MTUS2: variants seen among roughly 807,000 people sequenced by gnomAD.
MTUS2 encodes the protein microtubule-associated tumor suppressor candidate 2.
In MTUS2, 40 loss-of-function variants were observed where a neutral mutation model predicts 114.1. The observed-to-expected ratio is 0.35, with a 90% CI of 0.27 to 0.46. The LOEUF is 0.46. Among genes scored for constraint, MTUS2 ranks in the 20% least tolerant of loss-of-function variants. The pLI, the probability that MTUS2 is intolerant of heterozygous loss-of-function variation, is 1.00. For synonymous variants in MTUS2, 688 were observed against 672.0 expected, an observed-to-expected ratio of 1.02 and a Z score of -0.37; for missense variants, 1,679 against 1,705.4, an observed-to-expected ratio of 0.98 and a Z score of 0.27.
intron 5 of MTUS2, among the ~76,000 whole-genome samples, chr13:29,225,478 A>G (rs1335652): frequency 0.16 from 24,951 of 152,140 alleles, 2,311 homozygotes; most frequent in East Asian, 0.4. Flanking sequence ...TCTTTACACA[A>G]TCATAGAATT....
At chr13:29,425,935 A>G (rs888286021) in intron 8 of MTUS2, among the ~76,000 whole-genome samples, 30 of 152,324 alleles carry the variant, frequency 2.0e-4, no homozygotes, top group Middle Eastern at 3.4e-3. Flanking sequence ...CCTAAGAATA[A>G]GAAGTAATTT....
In MTUS2 at chr13:29,469,354, C is replaced by T. The variant is rs184369903; in HGVS notation, c.3185-10796C>T. On this transcript the variant is annotated intron_variant, in intron 9 of 15. Transcript: ENST00000612955. ...TTCTTTAAGAAAGAAGGCGGCCAGGCGTGGTGGCTCACGCCTGTAATCCCA... is the reference window on the plus strand; with the variant it reads ...TTCTTTAAGAAAGAAGGCGGCCAGGTGTGGTGGCTCACGCCTGTAATCCCA... Among the ~76,000 whole-genome samples the T allele has an allele frequency of 1.6e-3, 249 of 152,252 alleles. 1 individual carries two copies. Among genetic ancestry groups the T allele is most frequent in the Non-Finnish European group, 2.6e-3 (178 of 68,014 alleles).
intron 4 of MTUS2, among the ~76,000 whole-genome samples, chr13:29,065,504 C>A (rs979997661): frequency 1.9e-4 from 29 of 151,948 alleles, no homozygotes; most frequent in African/African-American, 7.0e-4. Flanking sequence ...CAATTTGTTT[C>A]AGTTCCTTAT....
intron 4 of MTUS2, among the ~76,000 whole-genome samples, chr13:29,073,303 A>G (rs1220940299): frequency 1.3e-5 from 2 of 152,226 alleles, no homozygotes; most frequent in African/African-American, 4.8e-5. Flanking sequence ...ATTTGGTTTT[A>G]TAGTTTCTTG....
chr13:29,259,763 G>C (rs1325513208), intron 5 of MTUS2, among the ~76,000 whole-genome samples: 1 of 152,218 alleles, frequency 6.6e-6, no homozygotes, highest in African/African-American at 2.4e-5. Context: ...TTCTATTAAA[G>C]AAGACTTTCA....
At chr13:28,878,206 A>AATATATAT (rs146866165) in intron 2 of MTUS2, among the ~76,000 whole-genome samples, 7 of 149,594 alleles carry the variant, frequency 4.7e-5, no homozygotes, top group Admixed American at 2.0e-4. Context: ...CTTAAAAAAG[A>AATATATAT]ATATATATAT....
At chr13:29,192,234 A>G (rs956355615) in intron 5 of MTUS2, among the ~76,000 whole-genome samples, 2 of 152,202 alleles carry the variant, frequency 1.3e-5, no homozygotes, top group Non-Finnish European at 2.9e-5. Flanking sequence ...ACATGTTTTG[A>G]AAAAGGTTTG....
chr13:29,020,855 A>T (rs1467618527), intron 2 of MTUS2, among the ~76,000 whole-genome samples: 5 of 152,148 alleles, frequency 3.3e-5, no homozygotes, highest in Non-Finnish European at 7.3e-5. Flanking sequence ...TGGGAAAAAA[A>T]AAAAAGCAAG....
rs554394775 is a variant in MTUS2 at position 29,499,242 on chromosome 13, G to A, written c.3798+705G>A. ...CACCAGCCTGGCTCCTGCAGAGCTA[G>A]CAAAGGGCACTCCCTAGGGGGCACA... On this transcript the variant is annotated intron_variant, in intron 14 of 15. Transcript: ENST00000612955. Among the ~76,000 whole-genome samples, 272 of 152,268 alleles carry A rather than the reference G, an allele frequency of 1.8e-3. 3 individuals are homozygous for A. The highest frequency in any genetic ancestry group is 5.8e-3 in the African/African-American group (243 of 41,566).
At chr13:28,861,192 T>A (rs1228147683) in intron 2 of MTUS2, among the ~76,000 whole-genome samples, 1 of 152,244 alleles carries the variant, frequency 6.6e-6, no homozygotes, top group African/African-American at 2.4e-5. Flanking sequence ...TGGGAAGTCC[T>A]ATGTGATAGA....
At chr13:29,485,852 A>C (rs955651821) in intron 10 of MTUS2, among the ~76,000 whole-genome samples, 1 of 150,948 alleles carries the variant, frequency 6.6e-6, no homozygotes, top group Non-Finnish European at 1.5e-5. Flanking sequence ...CGAATAAATT[A>C]GAATCACGCC....
At chr13:29,483,273 C>T (rs1236593753) in intron 10 of MTUS2, among the ~76,000 whole-genome samples, 6 of 152,208 alleles carry the variant, frequency 3.9e-5, no homozygotes, top group Admixed American at 2.6e-4. Context: ...TTTCTGAGGC[C>T]GCAAATATCA....
intron 7 of MTUS2, among the ~76,000 whole-genome samples, chr13:29,341,016 C>T (rs538802379): frequency 7.9e-5 from 12 of 152,148 alleles, no homozygotes; most frequent in African/African-American, 2.2e-4. Flanking sequence ...TTTCATAGTA[C>T]GTTTGTACCA....
At chr13:28,875,776 A>T (rs1877893968) in intron 2 of MTUS2, among the ~76,000 whole-genome samples, 3 of 152,210 alleles carry the variant, frequency 2.0e-5, no homozygotes, top group African/African-American at 7.2e-5. Flanking sequence ...GATGTTAAGG[A>T]TATATGGGTA....
chr13:29,168,491 T>C (rs1262444424), intron 5 of MTUS2, among the ~76,000 whole-genome samples: 1 of 152,204 alleles, frequency 6.6e-6, no homozygotes, highest in Non-Finnish European at 1.5e-5. Flanking sequence ...GACTTCATCT[T>C]AGAGTTGAAT....
At chr13:28,835,610 A>G (rs1206035576) in intron 1 of MTUS2, among the ~76,000 whole-genome samples, 1 of 152,128 alleles carries the variant, frequency 6.6e-6, no homozygotes, top group Non-Finnish European at 1.5e-5. Flanking sequence ...TGTGATAAAA[A>G]CCATTGAATT....
chr13:29,256,542 T>C (rs532584219), intron 5 of MTUS2, among the ~76,000 whole-genome samples: 2 of 152,332 alleles, frequency 1.3e-5, no homozygotes, highest in South Asian at 4.1e-4. Flanking sequence ...CACTTTCATG[T>C]CCTAAATCTC....
At chr13:29,227,151 C>T (rs545910119) in intron 5 of MTUS2, among the ~76,000 whole-genome samples, 71 of 148,450 alleles carry the variant, frequency 4.8e-4, no homozygotes, top group African/African-American at 1.7e-3. Flanking sequence ...ACGAGCTACT[C>T]GGGAGGCTGG....
chr13:29,494,032 G>A (rs1317171385), intron 12 of MTUS2, among the ~76,000 whole-genome samples: 3 of 152,196 alleles, frequency 2.0e-5, no homozygotes, highest in Non-Finnish European at 2.9e-5. Context: ...TTAGAGATTT[G>A]AGTTTTTGTT....
Sources: allele counts gnomAD v4.1 joint callset (sites outside exome capture counted in the v4.1 genomes callset), GRCh38; gene constraint gnomAD v4.1.1; transcripts MANE v1.5; gene names NCBI Gene and HGNC (gene_info 2026-07-23, HGNC 2026-07-21).